Variants in CDH13 observed in about 807,000 individuals in gnomAD.
CDH13 encodes the protein cadherin 13, also known as cadherin-13.
Under a neutral mutation model 63.8 loss-of-function variants are expected in CDH13, and 24 were observed. The ratio of observed to expected loss-of-function variants is 0.38; its 90% CI spans 0.27 to 0.53. The LOEUF is 0.53. Among genes scored for constraint, CDH13 ranks in the 20% least tolerant of loss-of-function variants. The pLI, the probability that CDH13 is intolerant of heterozygous loss-of-function variation, is 0.85. For synonymous variants in CDH13, 503 were observed against 355.3 expected (o/e 1.42, Z -4.67); for missense variants, 1,049 against 903.1 (o/e 1.16, Z -2.07).
chr16:82,941,880 G>A (rs1904291912), intron 2 of CDH13, among the ~76,000 whole-genome samples: 1 of 152,132 alleles, frequency 6.6e-6, no homozygotes, highest in Non-Finnish European at 1.5e-5. Context: ...GAATATAACA[G>A]TTCTCTTCCA....
At chr16:83,090,839 C>A (rs994690507) in intron 3 of CDH13, among the ~76,000 whole-genome samples, 1 of 151,630 alleles carries the variant, frequency 6.6e-6, no homozygotes, top group South Asian at 2.1e-4. Flanking sequence ...CGGAAACATA[C>A]GCTTTTTAAG....
intron 1 of CDH13, among the ~76,000 whole-genome samples, chr16:82,658,818 A>G (rs1911597363): frequency 6.6e-6 from 1 of 152,208 alleles, no homozygotes; most frequent in Admixed American, 6.5e-5. Flanking sequence ...TTAAAAGCCC[A>G]TAGAAGAAAA....
At chr16:83,744,292 T>C (rs891051803) in intron 10 of CDH13, among the ~76,000 whole-genome samples, 2 of 152,174 alleles carry the variant, frequency 1.3e-5, no homozygotes, top group East Asian at 1.9e-4. Context: ...GGTGATTAAT[T>C]CTACTGGGAA....
At chr16:83,238,075 C>G (rs1013923295) in intron 5 of CDH13, among the ~76,000 whole-genome samples, 1 of 147,968 alleles carries the variant, frequency 6.8e-6, no homozygotes, top group Non-Finnish European at 1.5e-5. Context: ...TCATCTCAGC[C>G]TGTAGCATTA....
chr16:82,639,531 C>T, intron 1 of CDH13: 1 of 1,098,664 alleles, frequency 9.1e-7, no homozygotes, highest in Admixed American at 2.0e-5. Flanking sequence ...CTAAGAAACC[C>T]TGTTGCCTAA....
chr16:83,716,818 G>A (rs557556683), intron 10 of CDH13, among the ~76,000 whole-genome samples: 1 of 152,236 alleles, frequency 6.6e-6, no homozygotes, highest in Admixed American at 6.5e-5. Flanking sequence ...GGTAGGTAAA[G>A]TCTTCCAGTC....
At chr16:82,962,331 C>A (rs544326926) in intron 2 of CDH13, among the ~76,000 whole-genome samples, 2 of 152,280 alleles carry the variant, frequency 1.3e-5, no homozygotes, top group South Asian at 2.1e-4. Flanking sequence ...AGGAAGGATC[C>A]TTTTTTAGAG....
intron 1 of CDH13, among the ~76,000 whole-genome samples, chr16:82,751,021 C>T (rs1259541762): frequency 2.0e-5 from 3 of 152,248 alleles, no homozygotes; most frequent in Non-Finnish European, 4.4e-5. Context: ...CCCCAGCCAA[C>T]TTAACTGGGC....
At chr16:83,535,816 A>G (rs1186866561) in intron 7 of CDH13, among the ~76,000 whole-genome samples, 1 of 151,410 alleles carries the variant, frequency 6.6e-6, no homozygotes, top group East Asian at 1.9e-4. Context: ...AGCAAGAGAA[A>G]AAGAAGGAAC....
intron 2 of CDH13, among the ~76,000 whole-genome samples, chr16:82,870,894 C>T (rs879157586): frequency 5.3e-5 from 8 of 152,178 alleles, no homozygotes; most frequent in Admixed American, 5.2e-4. Flanking sequence ...ATGATTGTAG[C>T]TGAAAGCTTG....
intron 4 of CDH13, among the ~76,000 whole-genome samples, chr16:83,195,704 T>C (rs1447298103): frequency 1.3e-5 from 2 of 151,776 alleles, no homozygotes; most frequent in Non-Finnish European, 2.9e-5. Context: ...ATCCAAACCA[T>C]AGCAATATGT....
intron 1 of CDH13, among the ~76,000 whole-genome samples, chr16:82,794,222 T>G (rs1333167934): frequency 6.6e-6 from 1 of 151,566 alleles, no homozygotes; most frequent in Non-Finnish European, 1.5e-5. Context: ...TAGTGTTATT[T>G]TATGTGTTGC....
chr16:83,668,117 C>T (rs753866134), intron 8 of CDH13, among the ~76,000 whole-genome samples: 27 of 152,180 alleles, frequency 1.8e-4, no homozygotes, highest in Non-Finnish European at 8.8e-5. Flanking sequence ...AGGCAAGTGG[C>T]AGAATCAGGT....
chr16:83,546,370 T>C (rs1272129204), intron 7 of CDH13, among the ~76,000 whole-genome samples: 1 of 152,098 alleles, frequency 6.6e-6, no homozygotes, highest in Non-Finnish European at 1.5e-5. Flanking sequence ...CTTCATTTAA[T>C]TTAACTTAAA....
At chr16:82,690,506 G>T (rs1351915774) in intron 1 of CDH13, among the ~76,000 whole-genome samples, 1 of 152,166 alleles carries the variant, frequency 6.6e-6, no homozygotes, top group Non-Finnish European at 1.5e-5. Context: ...CAAGTTTGTA[G>T]ATTAGCCTAA....
At chr16:83,031,177 C>T (rs530934343) in intron 2 of CDH13, among the ~76,000 whole-genome samples, 83 of 143,266 alleles carry the variant, frequency 5.8e-4, no homozygotes, top group African/African-American at 2.0e-3. Flanking sequence ...TATATACATG[C>T]GCATGTATAC....
chr16:83,294,552 C>T (rs2089542417), intron 5 of CDH13, among the ~76,000 whole-genome samples: 1 of 151,820 alleles, frequency 6.6e-6, no homozygotes, highest in Non-Finnish European at 1.5e-5. Flanking sequence ...TCCATGTTGT[C>T]ACTAATGATA....
chr16:83,042,114 G>A (rs775372356), intron 3 of CDH13, among the ~76,000 whole-genome samples: 22 of 152,090 alleles, frequency 1.4e-4, no homozygotes, highest in African/African-American at 2.2e-4. Flanking sequence ...CAAGACACCC[G>A]ACACGCTGCA....
intron 11 of CDH13, among the ~76,000 whole-genome samples, chr16:83,774,388 T>C (rs1914965744): frequency 1.3e-5 from 2 of 152,112 alleles, no homozygotes; most frequent in African/African-American, 4.8e-5. Flanking sequence ...TTTTTTTTTC[T>C]TTGAGACAGA....
Sources: allele counts gnomAD v4.1 joint callset (sites outside exome capture counted in the v4.1 genomes callset), GRCh38; gene constraint gnomAD v4.1.1; transcripts MANE v1.5; gene names NCBI Gene and HGNC (gene_info 2026-07-23, HGNC 2026-07-21).